The following LMO3 variants were observed in gnomAD, a reference collection of about 807,000 sequenced individuals.
LMO3 encodes LIM domain only 3, also known as LIM domain only protein 3.
Under a neutral mutation model 15.8 loss-of-function variants are expected in LMO3, and 2 were observed. The observed-to-expected ratio is 0.13, with a 90% confidence interval of 0.05 to 0.40. The LOEUF (loss-of-function observed/expected upper bound fraction) is 0.40. LMO3 is among the 10% of genes least tolerant of loss of function. LMO3 has a pLI of 0.99. For missense variants in LMO3, 86 were observed against 182.2 expected, an observed-to-expected ratio of 0.47 and a Z score of 3.04; for synonymous variants, 62 against 63.8, an observed-to-expected ratio of 0.97 and a Z score of 0.13.
At position 16,550,597 on chromosome 12, in the gene LMO3, G is replaced by T. The variant is rs1420768123; in HGVS notation, c.*625C>A. 6.6e-6 allele frequency: 1 copy of T among 152,258 alleles called. No individual in the cohort carries two copies. Among genetic ancestry groups the T allele is most frequent in the Non-Finnish European group, 1.5e-5 (1 of 67,866 alleles). 9.4% of individuals were successfully genotyped at this position (152,258 alleles called of 1,614,324 possible). A position where few individuals can be genotyped will look rare whatever the true frequency, so the allele number is the denominator to read the frequency against. ...ATTTTTAACCCCCTGAAAATAGGGG[G>T]TTATAACAAGAACACTGATAGACTC... On this transcript the variant is annotated 3_prime_UTR_variant, in exon 4 of 4. Transcript: ENST00000537304.
chr12:16,599,430 T>G lies in LMO3; in HGVS notation c.206+1225A>C, dbSNP rs955621572. ...CTACCATTAATCAAATGATATATTT[T>G]TATATCTAAAGATTGGATCTGACTG... is the stretch of plus-strand genomic sequence containing the variant. On this transcript the variant is annotated intron_variant, in intron 2 of 3. Transcript: ENST00000537304. This position sits in a 1 kb window ranked among gnomAD's most constrained non-coding sequence, Gnocchi z 4.1. 1 of 152,212 alleles carries G rather than the reference T, an allele frequency of 6.6e-6. No homozygotes were observed. Among genetic ancestry groups the G allele is most frequent in the African/African-American group, 2.4e-5 (1 of 41,450 alleles). 9.4% of individuals were successfully genotyped at this position (152,212 alleles called of 1,614,324 possible). A position where few individuals can be genotyped will look rare whatever the true frequency, so the allele number is the denominator to read the frequency against.
chr12:16,580,576 T>G (rs1943128917), intron 2 of LMO3, among the ~76,000 whole-genome samples: 1 of 152,162 alleles, frequency 6.6e-6, no homozygotes, highest in African/African-American at 2.4e-5. Context: ...GATCAGGTAG[T>G]AGATTATATA....
chr12:16,553,191 A>T (rs1053205142), intron 3 of LMO3, among the ~76,000 whole-genome samples: 1 of 152,124 alleles, frequency 6.6e-6, no homozygotes, highest in African/African-American at 2.4e-5. Flanking sequence ...CTTTTTACAG[A>T]AGAAAAACCT....
At chr12:16,573,466 TATAA>T (rs1255094508) in intron 2 of LMO3, 1 of 152,206 alleles carries the variant, frequency 6.6e-6, no homozygotes, top group Non-Finnish European at 1.5e-5. Flanking sequence ...TGTCCACATG[TATAA>T]ATAAAGTACT....
rs574726906 is a variant in LMO3 at position 16,559,634 on chromosome 12, G to C, written c.332+779C>G. Among the ~76,000 whole-genome samples the C allele has an allele frequency of 2.0e-5, 3 of 152,194 alleles. No individual in the cohort carries two copies. The South Asian group carries it at 6.2e-4, about 32-fold the overall frequency. On this transcript the variant is annotated intron_variant, in intron 3 of 3. Coordinates refer to ENST00000537304, the MANE Select transcript of LMO3 (RefSeq NM_018640.5). This position sits in a 1 kb window ranked among gnomAD's most constrained non-coding sequence, Gnocchi z 4.1. ...TGAAGTAACTGCAAAAGTACATATA[G>C]GACAGGGTTAAAATTTAAGGTAAAC...
rs1176937695 is a variant in LMO3, at chr12:16,598,062, T to G, written c.206+2593A>C. 6.6e-6 allele frequency: 1 copy of G among 152,078 alleles called. No homozygotes were observed. Among genetic ancestry groups the G allele is most frequent in the East Asian group, 1.9e-4 (1 of 5,194 alleles). The allele number at this position is 152,078 out of a possible 1,614,324, so 9.4% of individuals were successfully genotyped here. On this transcript the variant is annotated intron_variant, in intron 2 of 3. Coordinates refer to ENST00000537304, the MANE Select transcript of LMO3 (RefSeq NM_018640.5). The surrounding 1 kb of genome is among the most constrained non-coding windows in gnomAD (Gnocchi z 4.3). ...AAACATTTTTGAACAACTATTTGTATCTAATCAAAGAAATTAATTTGTAAA... is the reference window on the plus strand; with the variant it reads ...AAACATTTTTGAACAACTATTTGTAGCTAATCAAAGAAATTAATTTGTAAA...
intron 2 of LMO3, among the ~76,000 whole-genome samples, chr12:16,588,438 T>C (rs565657020): frequency 2.0e-5 from 3 of 152,140 alleles, no homozygotes; most frequent in Middle Eastern, 3.4e-3. Flanking sequence ...AATTTTATAA[T>C]ATAATTCTAC....
intron 2 of LMO3, among the ~76,000 whole-genome samples, chr12:16,564,522 A>G (rs576921497): frequency 5.9e-5 from 9 of 152,202 alleles, no homozygotes; most frequent in Admixed American, 1.3e-4. Context: ...GTGGTTTACT[A>G]CAGGCATCAG....
rs569622015 is a variant in LMO3, at chr12:16,598,080, T to C, written c.206+2575A>G. ...ATTTGTATCTAATCAAAGAAATTAA[T>C]TTGTAAATAAAATCTGCTTGACTAT... On this transcript the variant is annotated intron_variant, in intron 2 of 3. Coordinates refer to ENST00000537304, the MANE Select transcript of LMO3 (RefSeq NM_018640.5). The surrounding 1 kb of genome is among the most constrained non-coding windows in gnomAD (Gnocchi z 4.3). 1 of 152,194 alleles carries C rather than the reference T, an allele frequency of 6.6e-6. No individual in the cohort carries two copies. The highest frequency in any genetic ancestry group is 6.5e-5 in the Admixed American group (1 of 15,276). 9.4% of individuals were successfully genotyped at this position (152,194 alleles called of 1,614,324 possible).
At chr12:16,552,725 C>T (rs1032151685) in intron 3 of LMO3, among the ~76,000 whole-genome samples, 5 of 152,062 alleles carry the variant, frequency 3.3e-5, no homozygotes, top group African/African-American at 1.2e-4. Context: ...ATGCACTGAT[C>T]TTGAAATCCT....
rs1052814502 is a variant in LMO3 at position 16,584,876 on chromosome 12, C to T, written c.206+15779G>A. Among the ~76,000 whole-genome samples, 7 of 152,018 alleles carry T rather than the reference C, an allele frequency of 4.6e-5. No individual in the cohort carries two copies. The highest frequency in any genetic ancestry group is 4.1e-4 in the South Asian group (2 of 4,824). On this transcript the variant is annotated intron_variant, in intron 2 of 3. Transcript: ENST00000537304. The surrounding 1 kb of genome is among the most constrained non-coding windows in gnomAD (Gnocchi z 5.2). ...ATCCTCTCTTCAAGAATTCAGGATGCGAGGAAATATTTTCAAACACCTTAG... is the reference window on the plus strand; with the variant it reads ...ATCCTCTCTTCAAGAATTCAGGATGTGAGGAAATATTTTCAAACACCTTAG...
chr12:16,576,823 T>C lies in LMO3; in HGVS notation c.207-16285A>G, dbSNP rs1356196817. 6.6e-6 allele frequency among the ~76,000 whole-genome samples: 1 copy of C among 152,232 alleles called. No homozygotes were observed. Among genetic ancestry groups the C allele is most frequent in the Admixed American group, 6.5e-5 (1 of 15,274 alleles). ...TTTTTAAATACCATTTTAAATTCAGTGTACAATGGACATAAGACCTGTAGG... is the reference window on the plus strand; with the variant it reads ...TTTTTAAATACCATTTTAAATTCAGCGTACAATGGACATAAGACCTGTAGG... On this transcript the variant is annotated intron_variant, in intron 2 of 3. Transcript: ENST00000537304. This position sits in a 1 kb window ranked among gnomAD's most constrained non-coding sequence, Gnocchi z 4.1.
At position 16,580,110 on chromosome 12, in the gene LMO3, A is replaced by G. The variant is rs572172372; in HGVS notation, c.207-19572T>C. On this transcript the variant is annotated intron_variant, in intron 2 of 3. Transcript: ENST00000537304. ...TATGATATCATTTATCATGTATTCTAAAACAAAATATACACCTACGTTATT... is the reference window on the plus strand; with the variant it reads ...TATGATATCATTTATCATGTATTCTGAAACAAAATATACACCTACGTTATT... 2.6e-4 allele frequency among the ~76,000 whole-genome samples: 39 copies of G among 152,324 alleles called. No individual in the cohort carries two copies. The Middle Eastern group carries it at 0.01, about 40-fold the overall frequency.
chr12:16,590,259 G>C (rs1295782053), intron 2 of LMO3, among the ~76,000 whole-genome samples: 1 of 152,030 alleles, frequency 6.6e-6, no homozygotes, highest in East Asian at 1.9e-4. Flanking sequence ...CTAGGATTAA[G>C]GTTAGTGGGT....
chr12:16,590,303 ACT>A (rs1943450839), intron 2 of LMO3, among the ~76,000 whole-genome samples: 2 of 152,022 alleles, frequency 1.3e-5, no homozygotes, highest in African/African-American at 4.8e-5. Context: ...GCATAAACAA[ACT>A]CTCATGTAAC....
intron 2 of LMO3, among the ~76,000 whole-genome samples, chr12:16,567,142 G>A (rs1344440468): frequency 6.6e-6 from 1 of 152,130 alleles, no homozygotes; most frequent in African/African-American, 2.4e-5. Context: ...GTTGCAGTGA[G>A]CTGAGATCGT....
rs188045042 is a variant in LMO3, at chr12:16,582,233, A to T, written c.206+18422T>A. ...AATTGCCTTTTTGGTACAGACTGCC[A>T]TAACTATGGTGTTTCTTCCTCCAGT... On this transcript the variant is annotated intron_variant, in intron 2 of 3. Transcript: ENST00000537304. The surrounding 1 kb of genome is among the most constrained non-coding windows in gnomAD (Gnocchi z 4.1). Among the ~76,000 whole-genome samples, 33 of 152,356 alleles carry T rather than the reference A, an allele frequency of 2.2e-4. No individual in the cohort carries two copies. In the East Asian group the frequency reaches 4.8e-3, roughly 22 times the overall value.
chr12:16,560,277 G>A lies in LMO3; in HGVS notation c.332+136C>T. 1 of 887,796 alleles carries A rather than the reference G, an allele frequency of 1.1e-6. No individual in the cohort carries two copies. 55.0% of individuals were successfully genotyped at this position (887,796 alleles called of 1,614,324 possible). On this transcript the variant is annotated intron_variant, in intron 3 of 3. Coordinates refer to ENST00000537304, the MANE Select transcript of LMO3 (RefSeq NM_018640.5). The surrounding 1 kb of genome is among the most constrained non-coding windows in gnomAD (Gnocchi z 5.0). Reference sequence around the variant, plus strand: ...CTCCTTAGTAGCTTGTCTCTGGCATGGGATTAAAGTTTACAGAACAGAAAA... The same window carrying A: ...CTCCTTAGTAGCTTGTCTCTGGCATAGGATTAAAGTTTACAGAACAGAAAA...
chr12:16,555,804 T>A lies in LMO3; in HGVS notation c.333-4477A>T, dbSNP rs972772109. On this transcript the variant is annotated intron_variant, in intron 3 of 3. Coordinates refer to ENST00000537304, the MANE Select transcript of LMO3 (RefSeq NM_018640.5). The surrounding 1 kb of genome is among the most constrained non-coding windows in gnomAD (Gnocchi z 5.5). ...GTTGCTCAATTTGCCTGAAAATTCC[T>A]TTCCTCACTGCTCCCTGGCTCCCTC... Among the ~76,000 whole-genome samples the A allele has an allele frequency of 2.0e-5, 3 of 152,178 alleles. No individual in the cohort carries two copies. The highest frequency in any genetic ancestry group is 4.4e-5 in the Non-Finnish European group (3 of 68,030).
Sources: gnomAD v4.1 joint callset for allele counts (sites outside exome capture counted in the v4.1 genomes callset) on GRCh38, gnomAD v4.1.1 for gene constraint, Gnocchi (gnomAD v3.1) non-coding constraint, MANE v1.5 for transcripts, NCBI Gene and HGNC (gene_info 2026-07-23, HGNC 2026-07-21) for gene names.